Variants in DPP10 observed in about 807,000 individuals in gnomAD.
DPP10 encodes inactive dipeptidyl peptidase 10.
A neutral mutation model predicts 120.9 loss-of-function variants in DPP10; 33 were observed. That is an observed-to-expected ratio of 0.27 (90% CI 0.21 to 0.37). The LOEUF (loss-of-function observed/expected upper bound fraction) is 0.37, where lower values mean the gene tolerates loss of function less well. Among genes scored for constraint, DPP10 ranks in the 10% least tolerant of loss-of-function variants. The pLI is 1.00. For synonymous variants in DPP10, 337 were observed against 326.1 expected (o/e 1.03, Z -0.36); for missense variants, 816 against 942.8 (o/e 0.87, Z 1.76).
intron 1 of DPP10, among the ~76,000 whole-genome samples, chr2:114,843,660 A>T (rs75888156): frequency 2.0e-5 from 3 of 151,990 alleles, no homozygotes; most frequent in Non-Finnish European, 2.9e-5. Flanking sequence ...TCTTTTCTTC[A>T]ATTGTTGTAA....
chr2:115,482,053 T>C (rs1276803896), intron 3 of DPP10, among the ~76,000 whole-genome samples: 2 of 152,008 alleles, frequency 1.3e-5, no homozygotes, highest in African/African-American at 4.8e-5. Context: ...ATTGTTTTGT[T>C]TCATATTACA....
intron 3 of DPP10, among the ~76,000 whole-genome samples, chr2:115,472,739 T>G (rs1159649041): frequency 6.6e-6 from 1 of 152,244 alleles, no homozygotes; most frequent in Non-Finnish European, 1.5e-5. Flanking sequence ...TATAGACTAG[T>G]TAGTGCCTAA....
intron 1 of DPP10, among the ~76,000 whole-genome samples, chr2:114,705,409 A>G (rs1700628335): frequency 6.6e-6 from 1 of 152,140 alleles, no homozygotes; most frequent in African/African-American, 2.4e-5. Flanking sequence ...AGATAAGTAT[A>G]TATTCATAAG....
At chr2:115,250,178 T>C (rs1157673610) in intron 1 of DPP10, among the ~76,000 whole-genome samples, 2 of 152,216 alleles carry the variant, frequency 1.3e-5, no homozygotes, top group African/African-American at 2.4e-5. Flanking sequence ...ATATAAACTT[T>C]CCTGGCAGAC....
chr2:115,662,178 T>A (rs2149411991), intron 5 of DPP10, among the ~76,000 whole-genome samples: 1 of 152,326 alleles, frequency 6.6e-6, no homozygotes, highest in African/African-American at 2.4e-5. Flanking sequence ...TTATCCATTT[T>A]GTTGCAAATG....
chr2:114,987,557 A>C (rs1336461818), intron 1 of DPP10, among the ~76,000 whole-genome samples: 1 of 151,630 alleles, frequency 6.6e-6, no homozygotes, highest in Non-Finnish European at 1.5e-5. Flanking sequence ...TAGTCAATTC[A>C]TTTACTCAGA....
At chr2:114,500,199 G>A (rs1683034937) in intron 1 of DPP10, among the ~76,000 whole-genome samples, 1 of 152,234 alleles carries the variant, frequency 6.6e-6, no homozygotes, top group Non-Finnish European at 1.5e-5. Flanking sequence ...CTGCCACACA[G>A]TAGCCATTTA....
chr2:114,617,814 C>T (rs1032650133), intron 1 of DPP10, among the ~76,000 whole-genome samples: 1 of 152,000 alleles, frequency 6.6e-6, no homozygotes, highest in Admixed American at 6.6e-5. Context: ...TATTTATTGC[C>T]CTCCTTTGTT....
chr2:115,690,925 T>A (rs1054837791), intron 7 of DPP10, among the ~76,000 whole-genome samples: 2 of 152,314 alleles, frequency 1.3e-5, no homozygotes, highest in African/African-American at 2.4e-5. Flanking sequence ...TGCCAACACC[T>A]GTTTTTCCAG....
At chr2:115,283,051 T>G (rs189792750) in intron 1 of DPP10, among the ~76,000 whole-genome samples, 104 of 152,190 alleles carry the variant, frequency 6.8e-4, no homozygotes, top group Non-Finnish European at 1.4e-3. Flanking sequence ...CATTCTTGGA[T>G]TAGATTTTCT....
At chr2:114,469,775 T>C (rs1476998894) in intron 1 of DPP10, among the ~76,000 whole-genome samples, 1 of 151,822 alleles carries the variant, frequency 6.6e-6, no homozygotes, top group Non-Finnish European at 1.5e-5. Flanking sequence ...GGCCAAATGG[T>C]TGAACAGGAA....
At chr2:115,019,659 CA>C (rs1292498149) in intron 1 of DPP10, among the ~76,000 whole-genome samples, 1 of 152,164 alleles carries the variant, frequency 6.6e-6, no homozygotes, top group Non-Finnish European at 1.5e-5. Flanking sequence ...ACAAGAAGCT[CA>C]AAGAACACCT....
intron 4 of DPP10, among the ~76,000 whole-genome samples, chr2:115,507,461 T>G (rs2077008200): frequency 6.6e-6 from 1 of 152,168 alleles, no homozygotes; most frequent in African/African-American, 2.4e-5. Context: ...GTCTAGAGAA[T>G]GATTAGTTGC....
At chr2:114,661,082 T>A (rs1409389645) in intron 1 of DPP10, among the ~76,000 whole-genome samples, 3 of 152,194 alleles carry the variant, frequency 2.0e-5, no homozygotes, top group African/African-American at 7.2e-5. Context: ...GGTTGTAGAT[T>A]ATAGTTTCTG....
intron 3 of DPP10, among the ~76,000 whole-genome samples, chr2:115,355,599 C>T (rs2064324303): frequency 6.6e-6 from 1 of 152,098 alleles, no homozygotes; most frequent in South Asian, 2.1e-4. Context: ...GTTGCAATTG[C>T]TTTTGGCATT....
intron 5 of DPP10, among the ~76,000 whole-genome samples, chr2:115,622,822 G>GTTC (rs2085058256): frequency 3.2e-5 from 4 of 123,330 alleles, no homozygotes; most frequent in African/African-American, 1.1e-4. Flanking sequence ...ACCCCCATTC[G>GTTC]TTTATTCTTT....
rs141297678 is a variant in DPP10 at position 115,474,359 on chromosome 2, C to T, written c.272-25151C>T. On this transcript the variant is annotated intron_variant, in intron 3 of 25. Transcript: ENST00000410059. Reference sequence around the variant, plus strand: ...TTAGCCAGGCTCTAATGGGTTCAGCCCATGGAGGTAGGAATTAGAAAACAT... The same window carrying T: ...TTAGCCAGGCTCTAATGGGTTCAGCTCATGGAGGTAGGAATTAGAAAACAT... Among the ~76,000 whole-genome samples, 168 of 152,164 alleles carry T rather than the reference C, an allele frequency of 1.1e-3. 3 individuals are homozygous for T. In the East Asian group the frequency reaches 0.022, roughly 20 times the overall value.
intron 3 of DPP10, among the ~76,000 whole-genome samples, chr2:115,444,964 T>G (rs1043410555): frequency 2.0e-5 from 3 of 152,146 alleles, no homozygotes; most frequent in African/African-American, 7.2e-5. Flanking sequence ...AATCCCCGTG[T>G]GTCAAGGGAG....
intron 21 of DPP10, among the ~76,000 whole-genome samples, chr2:115,829,131 C>A (rs1475669380): frequency 6.6e-6 from 1 of 152,068 alleles, no homozygotes; most frequent in Non-Finnish European, 1.5e-5. Context: ...ATTTAGATGT[C>A]CTGTTTCTAT....
Sources: gnomAD v4.1 joint callset for allele counts (sites outside exome capture counted in the v4.1 genomes callset) on GRCh38, gnomAD v4.1.1 for gene constraint, MANE v1.5 for transcripts, NCBI Gene and HGNC (gene_info 2026-07-23, HGNC 2026-07-21) for gene names.